PIK3C2A: variants seen among roughly 807,000 people sequenced by gnomAD.
The protein encoded by PIK3C2A is phosphatidylinositol-4-phosphate 3-kinase catalytic subunit type 2 alpha.
Under a neutral mutation model 204.5 loss-of-function variants are expected in PIK3C2A, and 97 were observed. The observed-to-expected ratio is 0.47, with a 90% CI of 0.40 to 0.56. The LOEUF (loss-of-function observed/expected upper bound fraction) is 0.56, where lower values mean the gene tolerates loss of function less well. Among genes scored for constraint, PIK3C2A ranks in the 20% least tolerant of loss-of-function variants. PIK3C2A has a pLI of 0.00. For synonymous variants in PIK3C2A, 653 were observed against 664.4 expected, an observed-to-expected ratio of 0.98 and a Z score of 0.26; for missense variants, 1,735 against 1,969.2, an observed-to-expected ratio of 0.88 and a Z score of 2.25.
rs779927705 is a variant in PIK3C2A, at chr11:17,118,636, A to G, written c.3035+9T>C. On this transcript the variant is annotated intron_variant, in intron 18 of 32. Transcript: ENST00000691414. ...GGAAATACGGTAATCAATAAAATTT[A>G]AATCTTACCAATATAAATTGTGTGC... 3.9e-6 allele frequency: 5 copies of G among 1,275,142 alleles called. No individual in the cohort carries two copies. The highest frequency in any genetic ancestry group is 5.7e-6 in the Non-Finnish European group (5 of 880,162). The allele number at this position is 1,275,142 out of a possible 1,614,324, so 79.0% of individuals were successfully genotyped here.
chr11:17,107,230 A>G (rs551324927), intron 22 of PIK3C2A, among the ~76,000 whole-genome samples: 4 of 152,056 alleles, frequency 2.6e-5, no homozygotes, highest in Admixed American at 6.6e-5. Flanking sequence ...GGAGAATGGC[A>G]TGAACCCAGG....
intron 2 of PIK3C2A, among the ~76,000 whole-genome samples, chr11:17,158,649 C>T (rs1010209562): frequency 2.0e-5 from 3 of 152,004 alleles, no homozygotes; most frequent in East Asian, 1.9e-4. Context: ...TGAAAAACAA[C>T]GTTGTGACCT....
intron 12 of PIK3C2A, among the ~76,000 whole-genome samples, chr11:17,130,246 CAT>C (rs914997844): frequency 2.0e-5 from 3 of 152,136 alleles, no homozygotes; most frequent in African/African-American, 7.2e-5. Context: ...CACCAACAGA[CAT>C]ATGTTTACCA....
At chr11:17,098,481 A>G (rs1848517341) in intron 26 of PIK3C2A, among the ~76,000 whole-genome samples, 1 of 152,222 alleles carries the variant, frequency 6.6e-6, no homozygotes, top group South Asian at 2.1e-4. Context: ...TAGACTCCAG[A>G]ACTGTGAGAA....
chr11:17,187,715 T>C (rs956482293), intron 1 of PIK3C2A, among the ~76,000 whole-genome samples: 3 of 151,982 alleles, frequency 2.0e-5, no homozygotes, highest in Admixed American at 6.6e-5. Flanking sequence ...AGAATGGCTG[T>C]TTAAAATGGG....
chr11:17,153,865 A>G (rs560827541), intron 3 of PIK3C2A, among the ~76,000 whole-genome samples: 3 of 152,340 alleles, frequency 2.0e-5, no homozygotes, highest in Admixed American at 6.5e-5. Context: ...AATGAGCACA[A>G]TGGAAAAAAC....
intron 12 of PIK3C2A, among the ~76,000 whole-genome samples, chr11:17,130,904 C>T (rs1203629603): frequency 2.7e-5 from 4 of 147,910 alleles, no homozygotes; most frequent in South Asian, 2.2e-4. Context: ...ATGTTTTTTT[C>T]GGCTAGACGC....
intron 3 of PIK3C2A, among the ~76,000 whole-genome samples, chr11:17,153,307 T>C (rs1477808389): frequency 1.3e-5 from 2 of 151,974 alleles, no homozygotes; most frequent in African/African-American, 4.8e-5. Context: ...TGGTGGCACA[T>C]GCCTACAGTC....
At chr11:17,093,660 C>A (rs997921413) in intron 28 of PIK3C2A, among the ~76,000 whole-genome samples, 4 of 146,276 alleles carry the variant, frequency 2.7e-5, no homozygotes, top group African/African-American at 1.0e-4. Flanking sequence ...GGGGGGGGGA[C>A]AGGGTCTCAT....
chr11:17,108,059 G>T (rs138134213), intron 22 of PIK3C2A, among the ~76,000 whole-genome samples: 1 of 152,062 alleles, frequency 6.6e-6, no homozygotes, highest in African/African-American at 2.4e-5. Flanking sequence ...TTTAGTAGAG[G>T]TGGGGTTTCA....
chr11:17,145,473 T>C (rs1260137836), intron 8 of PIK3C2A, among the ~76,000 whole-genome samples, 195 bp downstream of exon 8: 3 of 152,212 alleles, frequency 2.0e-5, no homozygotes, highest in Admixed American at 6.5e-5. Flanking sequence ...CCTTCTTCCA[T>C]GATTTAAGTT....
intron 2 of PIK3C2A, among the ~76,000 whole-genome samples, chr11:17,158,443 G>C (rs1850674374): frequency 6.6e-6 from 1 of 150,910 alleles, no homozygotes; most frequent in Admixed American, 6.6e-5. Context: ...AGCTCTAATA[G>C]GTGGGAACTA....
Position 17,129,350 on chromosome 11 carries a change from C to T in PIK3C2A, c.2349G>A (p.Lys783=), listed in dbSNP as rs751493076. Residue 783 remains lysine (K), a synonymous_variant, in exon 13 of 33, where the codon AAG becomes AAA. Coordinates refer to ENST00000691414, the MANE Select transcript of PIK3C2A (RefSeq NM_002645.4). ...GSSPDSNKQR[K]GPEALGKVSL... ...AAACTTTGCCCAAAGCTTCTGGTCC[C>T]TTTCTCTGCTTATTAGAATCAGGGG... 1.2e-6 allele frequency: 2 copies of T among 1,613,928 alleles called. No homozygotes were observed. The highest frequency in any genetic ancestry group is 1.7e-6 in the Non-Finnish European group (2 of 1,179,840).
intron 25 of PIK3C2A, among the ~76,000 whole-genome samples, chr11:17,100,855 A>C (rs1848604217): frequency 6.6e-6 from 1 of 152,210 alleles, no homozygotes; most frequent in Non-Finnish European, 1.5e-5. Context: ...TTTACTCATA[A>C]TAATCATAGT....
intron 19 of PIK3C2A, chr11:17,115,602 G>C (rs1235610262): frequency 6.8e-6 from 1 of 148,038 alleles, no homozygotes; most frequent in Non-Finnish European, 1.5e-5. Context: ...ATATGATATA[G>C]AATTGAGAGT....
intron 11 of PIK3C2A, among the ~76,000 whole-genome samples, chr11:17,133,436 C>T (rs1849767829): frequency 6.6e-6 from 1 of 152,094 alleles, no homozygotes; most frequent in South Asian, 2.1e-4. Context: ...ACAGATGGTG[C>T]TCAATAAATA....
chr11:17,174,147 G>A (rs571136226), intron 1 of PIK3C2A, among the ~76,000 whole-genome samples: 49 of 152,086 alleles, frequency 3.2e-4, no homozygotes, highest in African/African-American at 1.1e-3. Flanking sequence ...TTAACAAGAG[G>A]GAGTGAGGGC....
chr11:17,099,580 C>A (rs1315120194), intron 26 of PIK3C2A, among the ~76,000 whole-genome samples: 1 of 152,140 alleles, frequency 6.6e-6, no homozygotes, highest in Non-Finnish European at 1.5e-5. Flanking sequence ...TAAAATGGCA[C>A]ATGGCACTGT....
At chr11:17,142,350 G>T (rs571102308) in intron 8 of PIK3C2A, among the ~76,000 whole-genome samples, 1 of 152,212 alleles carries the variant, frequency 6.6e-6, no homozygotes, top group African/African-American at 2.4e-5. Context: ...TGAGCCCTGG[G>T]GATATGCTAA....
Sources: gnomAD v4.1 joint callset for allele counts (sites outside exome capture counted in the v4.1 genomes callset) on GRCh38, gnomAD v4.1.1 for gene constraint, MANE v1.5 for transcripts, NCBI Gene and HGNC (gene_info 2026-07-23, HGNC 2026-07-21) for gene names.